The following SPICE1 variants were observed in gnomAD, a reference collection of about 807,000 sequenced individuals.
The protein encoded by SPICE1 is spindle and centriole associated protein 1.
In SPICE1, 75 loss-of-function variants were observed where a neutral mutation model predicts 102.7. The ratio of observed to expected loss-of-function variants is 0.73; its 90% CI spans 0.61 to 0.88. The LOEUF is 0.88. Ranked by LOEUF, SPICE1 falls within the 40% of genes least tolerant of loss-of-function variation. The probability of loss-of-function intolerance (pLI) is 0.00; values close to 1 mark genes in which losing one functional copy is unlikely to be tolerated. For missense variants in SPICE1, 979 were observed against 1,020.1 expected (o/e 0.96, Z 0.55); for synonymous variants, 308 against 350.3 (o/e 0.88, Z 1.35).
chr3:113,461,005 C>T (rs1000322135), intron 11 of SPICE1, among the ~76,000 whole-genome samples: 22 of 151,772 alleles, frequency 1.4e-4, no homozygotes, highest in African/African-American at 4.6e-4. Context: ...TTAAGTAAAT[C>T]ATGAAACAGT....
intron 7 of SPICE1, among the ~76,000 whole-genome samples, chr3:113,476,747 A>G (rs912460534): frequency 3.3e-5 from 5 of 150,848 alleles, no homozygotes; most frequent in African/African-American, 9.8e-5. Flanking sequence ...GAAAGCTGAA[A>G]CTGGATCCCT....
At chr3:113,471,964 G>A (rs1252196906) in intron 7 of SPICE1, among the ~76,000 whole-genome samples, 1 of 152,194 alleles carries the variant, frequency 6.6e-6, no homozygotes, top group Non-Finnish European at 1.5e-5. Context: ...AGTGCACCGT[G>A]CGCGAGCCGA....
At chr3:113,497,934 T>C (rs1179134717) in intron 4 of SPICE1, among the ~76,000 whole-genome samples, 3 of 151,094 alleles carry the variant, frequency 2.0e-5, no homozygotes, top group African/African-American at 4.9e-5. Context: ...TGGAGTGCAA[T>C]GGACCAATCT....
At chr3:113,473,671 A>G (rs1936263536) in intron 7 of SPICE1, among the ~76,000 whole-genome samples, 1 of 151,982 alleles carries the variant, frequency 6.6e-6, no homozygotes, top group Non-Finnish European at 1.5e-5. Context: ...CCAGAATTTC[A>G]TATCCAGCCA....
intron 3 of SPICE1, among the ~76,000 whole-genome samples, chr3:113,500,186 A>G (rs1397709348): frequency 6.6e-6 from 1 of 152,214 alleles, no homozygotes; most frequent in African/African-American, 2.4e-5. Flanking sequence ...CTCAAGTGTT[A>G]GAGGGTTCAC....
chr3:113,484,487 T>A (rs1336240638), intron 7 of SPICE1, among the ~76,000 whole-genome samples: 1 of 152,152 alleles, frequency 6.6e-6, no homozygotes, highest in Non-Finnish European at 1.5e-5. Flanking sequence ...CAATTTTAGA[T>A]CTTTCCTGCT....
At chr3:113,471,941 G>C (rs1936210376) in intron 7 of SPICE1, among the ~76,000 whole-genome samples, 1 of 152,220 alleles carries the variant, frequency 6.6e-6, no homozygotes, top group Admixed American at 6.5e-5. Context: ...GGTGAGCGCA[G>C]GACAGTGGGT....
intron 7 of SPICE1, among the ~76,000 whole-genome samples, chr3:113,469,470 C>T (rs1936145594): frequency 7.0e-6 from 1 of 143,362 alleles, no homozygotes; most frequent in African/African-American, 2.5e-5. Context: ...AATAATTACA[C>T]ATAATTATAA....
intron 17 of SPICE1, among the ~76,000 whole-genome samples, chr3:113,445,911 A>C (rs1559954552): frequency 1.3e-5 from 2 of 152,202 alleles, no homozygotes; most frequent in Non-Finnish European, 2.9e-5. Context: ...AATGTCAGAC[A>C]CTTATTGGCT....
At chr3:113,498,310 C>T (rs2107500072) in intron 4 of SPICE1, among the ~76,000 whole-genome samples, 1 of 152,310 alleles carries the variant, frequency 6.6e-6, no homozygotes, top group East Asian at 1.9e-4. Context: ...CATCGTCTCT[C>T]ACCACCCTTC....
intron 7 of SPICE1, among the ~76,000 whole-genome samples, chr3:113,473,211 T>A (rs911591620): frequency 6.6e-6 from 1 of 151,824 alleles, no homozygotes; most frequent in African/African-American, 2.4e-5. Context: ...ATGAATGAAA[T>A]GAAGCGAGAA....
chr3:113,495,488 G>A (rs1936862817), intron 4 of SPICE1, among the ~76,000 whole-genome samples: 1 of 152,172 alleles, frequency 6.6e-6, no homozygotes, highest in Non-Finnish European at 1.5e-5. Context: ...CTTCTACAAA[G>A]AGTAAGCTTT....
intron 15 of SPICE1, chr3:113,449,909 C>A (rs1935605755): frequency 6.3e-6 from 1 of 157,600 alleles, no homozygotes; most frequent in African/African-American, 2.4e-5. Context: ...TCTAGCTTTT[C>A]ACATTCCTAA....
intron 7 of SPICE1, among the ~76,000 whole-genome samples, chr3:113,477,686 A>G: frequency 6.6e-6 from 1 of 151,836 alleles, no homozygotes; most frequent in Admixed American, 6.6e-5. Flanking sequence ...TATTGCAAGG[A>G]CAAAAAACCA....
intron 12 of SPICE1, chr3:113,460,128 G>A (rs1479037110): frequency 1.0e-6 from 1 of 985,398 alleles, no homozygotes; most frequent in South Asian, 4.7e-5. Flanking sequence ...CACATGAGAT[G>A]AAGGAAGAAT....
intron 1 of SPICE1, among the ~76,000 whole-genome samples, chr3:113,511,710 T>C (rs1416920452): frequency 1.3e-5 from 2 of 152,150 alleles, no homozygotes; most frequent in African/African-American, 4.8e-5. Flanking sequence ...CAAACCACTA[T>C]GGCACACGTT....
In SPICE1 at chr3:113,460,611, A is replaced by G. The variant is rs1248071960; in HGVS notation, c.1435+6T>C. ...TGACAGTCTGAGAGAGTAAGACCAC[A>G]CTCACCTGGACTGTCCATAACTCTT... On this transcript the variant is annotated splice_donor_region_variant and intron_variant, in intron 12 of 17. Transcript: ENST00000295872. 6.3e-7 allele frequency: 1 copy of G among 1,597,896 alleles called. No homozygotes were observed. Among genetic ancestry groups the G allele is most frequent in the Non-Finnish European group, 8.5e-7 (1 of 1,174,260 alleles).
chr3:113,446,872 G>A (rs1377496493), intron 16 of SPICE1, among the ~76,000 whole-genome samples, 196 bp from the exon 17 acceptor site: 1 of 152,150 alleles, frequency 6.6e-6, no homozygotes, highest in African/African-American at 2.4e-5. Context: ...ATAGTGATAT[G>A]GTTTGGCTGT....
chr3:113,502,662 TAA>T (rs35248720), intron 3 of SPICE1, among the ~76,000 whole-genome samples: 12,931 of 87,126 alleles, frequency 0.15, 691 homozygotes, highest in Non-Finnish European at 0.18. Flanking sequence ...CAATAAATCT[TAA>T]AAAAAAAAAA....
Sources: gnomAD v4.1 joint callset for allele counts (sites outside exome capture counted in the v4.1 genomes callset) on GRCh38, gnomAD v4.1.1 for gene constraint, MANE v1.5 for transcripts, NCBI Gene and HGNC (gene_info 2026-07-23, HGNC 2026-07-21) for gene names.